WTAP: variants seen among roughly 807,000 people sequenced by gnomAD.
WTAP encodes pre-mRNA-splicing regulator WTAP.
Under a neutral mutation model 50.0 loss-of-function variants are expected in WTAP, and 8 were observed. The observed-to-expected ratio is 0.16, with a 90% CI of 0.09 to 0.29. The LOEUF (loss-of-function observed/expected upper bound fraction) is 0.29. Ranked by LOEUF, WTAP falls within the 10% of genes least tolerant of loss-of-function variation. The pLI is 1.00. For missense variants in WTAP, 295 were observed against 470.7 expected (o/e 0.63, Z 3.45); for synonymous variants, 194 against 169.0 (o/e 1.15, Z -1.15).
At chr6:159,740,584 A>G (rs1779191772) in intron 3 of WTAP, among the ~76,000 whole-genome samples, 1 of 152,174 alleles carries the variant, frequency 6.6e-6, no homozygotes, top group African/African-American at 2.4e-5. Flanking sequence ...AATATTTGGT[A>G]AACTACGTGT....
intron 3 of WTAP, 23 bp downstream of exon 3, chr6:159,739,068 A>C (rs772205248): frequency 1.3e-6 from 2 of 1,589,676 alleles, no homozygotes; most frequent in Non-Finnish European, 1.7e-6. Context: ...CTGTTCAAAA[A>C]CAAAGTCTTT....
intron 1 of WTAP, chr6:159,730,868 A>G (rs1778523227): frequency 6.6e-6 from 1 of 152,188 alleles, no homozygotes; most frequent in Non-Finnish European, 1.5e-5. Context: ...AGCACCATTT[A>G]ATTAAAATCT....
chr6:159,735,912 A>G (rs117466922), intron 1 of WTAP, among the ~76,000 whole-genome samples: 2,768 of 152,196 alleles, frequency 0.018, 27 homozygotes, highest in South Asian at 0.033. Flanking sequence ...TGCGTAGGAT[A>G]CTACTTGAGG....
At chr6:159,734,995 A>G (rs1021337509) in intron 1 of WTAP, among the ~76,000 whole-genome samples, 2 of 152,156 alleles carry the variant, frequency 1.3e-5, no homozygotes, top group Admixed American at 6.5e-5. Context: ...AGTGTTCCCT[A>G]CTTGAATTCA....
upstream of WTAP, chr6:159,727,074 T>G: frequency 8.3e-7 from 1 of 1,207,428 alleles, no homozygotes; most frequent in Non-Finnish European, 1.1e-6. Context: ...CGTGATGCCC[T>G]GGGGCTGACC....
intron 1 of WTAP, among the ~76,000 whole-genome samples, chr6:159,735,504 A>G (rs1037509160): frequency 6.6e-6 from 1 of 152,214 alleles, no homozygotes; most frequent in Non-Finnish European, 1.5e-5. Flanking sequence ...TAATCCCAGC[A>G]CTTTGGGAGG....
chr6:159,755,476 A>G lies in WTAP; in HGVS notation c.1056A>G (p.Gln352=), dbSNP rs752013744. 6.8e-6 allele frequency: 11 copies of G among 1,614,086 alleles called. No individual in the cohort carries two copies. The highest frequency in any genetic ancestry group is 1.6e-4 in the Middle Eastern group (1 of 6,084). The change falls in exon 8 of 8, where the codon CAA becomes CAG. Residue 352 remains glutamine (Q), a synonymous_variant. Transcript: ENST00000621533. ...GCAGTGAAAACTCTCTCACACACCA[A>G]TCAAATGACACAGACTCCAGTCATG... is the stretch of plus-strand genomic sequence containing the variant. ...PTGSENSLTH[Q]SNDTDSSHDP...
chr6:159,748,740 C>A lies in WTAP; in HGVS notation c.452+371C>A. 8.1e-7 allele frequency: 1 copy of A among 1,238,106 alleles called. No homozygotes were observed. Among genetic ancestry groups the A allele is most frequent in the Non-Finnish European group, 1.0e-6 (1 of 991,436 alleles). The allele number at this position is 1,238,106 out of a possible 1,614,324, so 76.7% of individuals were successfully genotyped here. Reference sequence around the variant, plus strand: ...GTCTGTGGCACACTGTGTCTTCAGACAGTTTGAAGGAATGAAAACCTAGAG... The same window carrying A: ...GTCTGTGGCACACTGTGTCTTCAGAAAGTTTGAAGGAATGAAAACCTAGAG... On this transcript the variant is annotated intron_variant, in intron 6 of 7. Coordinates refer to ENST00000621533, the MANE Select transcript of WTAP (RefSeq NM_001270531.2). This position sits in a 1 kb window ranked among gnomAD's most constrained non-coding sequence, Gnocchi z 5.6.
At chr6:159,728,000 C>A (rs752853530) in intron 1 of WTAP, among the ~76,000 whole-genome samples, 1 of 152,250 alleles carries the variant, frequency 6.6e-6, no homozygotes, top group Non-Finnish European at 1.5e-5. Flanking sequence ...CCGGGCTGAG[C>A]GGCGGCGCTC....
intron 1 of WTAP, among the ~76,000 whole-genome samples, chr6:159,729,888 A>G (rs1040349890): frequency 6.6e-6 from 1 of 152,150 alleles, no homozygotes; most frequent in Non-Finnish European, 1.5e-5. Context: ...TAACTTTATG[A>G]TGCTAAGAGC....
At chr6:159,749,057 A>G in intron 6 of WTAP, 1 of 990,678 alleles carries the variant, frequency 1.0e-6, no homozygotes, top group Non-Finnish European at 1.2e-6. Flanking sequence ...GGGGCTCTAT[A>G]TTACTTGCTT....
rs1778407818 is a variant in WTAP at position 159,729,107 on chromosome 6, A to G, written c.-9+1404A>G. Among the ~76,000 whole-genome samples, 3 of 152,324 alleles carry G rather than the reference A, an allele frequency of 2.0e-5. No individual in the cohort carries two copies. In the South Asian group the frequency reaches 6.2e-4, roughly 32 times the overall value. The stretch of plus-strand genomic sequence containing the variant: ...GTGTAAAAAGCCCTGTGATGTGGAG[A>G]TGAGCATTGTCACAATTTGTACAGT... On this transcript the variant is annotated intron_variant, in intron 1 of 7. Coordinates refer to ENST00000621533, the MANE Select transcript of WTAP (RefSeq NM_001270531.2).
At chr6:159,730,143 A>G (rs973639980) in intron 1 of WTAP, among the ~76,000 whole-genome samples, 1 of 152,222 alleles carries the variant, frequency 6.6e-6, no homozygotes, top group Non-Finnish European at 1.5e-5. Flanking sequence ...TTATTAATTA[A>G]TAGCTGTTTT....
chr6:159,738,751 A>G (rs932572687), intron 2 of WTAP, among the ~76,000 whole-genome samples: 4 of 152,204 alleles, frequency 2.6e-5, no homozygotes, highest in Middle Eastern at 3.4e-3. Context: ...CATTCTAATC[A>G]GTGTGTGGTG....
At position 159,738,980 on chromosome 6, in the gene WTAP, C is replaced by A. The variant is rs776802237; in HGVS notation, c.31-10C>A. On this transcript the variant is annotated splice_polypyrimidine_tract_variant and intron_variant, in intron 2 of 7. Transcript: ENST00000621533. The stretch of plus-strand genomic sequence containing the variant: ...AGAACACTAAATTCATATTGTAATT[C>A]TCTTTATAGGTTCGATTGAGTGAAA... The A allele has an allele frequency of 1.1e-5, 17 of 1,603,392 alleles. No individual in the cohort carries two copies. The African/African-American group carries it at 2.1e-4, about 20-fold the overall frequency.
intron 1 of WTAP, among the ~76,000 whole-genome samples, chr6:159,731,894 C>G (rs1312694787): frequency 2.0e-5 from 3 of 152,166 alleles, no homozygotes; most frequent in Admixed American, 2.0e-4. Context: ...CCTTTAAAAA[C>G]AGATTATCAT....
intron 1 of WTAP, among the ~76,000 whole-genome samples, chr6:159,734,391 A>G (rs981506653): frequency 2.6e-5 from 4 of 151,726 alleles, no homozygotes; most frequent in Admixed American, 6.6e-5. Flanking sequence ...AAAAAAAAAA[A>G]ATTCAGTTTA....
chr6:159,734,732 A>G (rs1172972174), intron 1 of WTAP, among the ~76,000 whole-genome samples: 1 of 152,264 alleles, frequency 6.6e-6, no homozygotes, highest in Non-Finnish European at 1.5e-5. Flanking sequence ...AATGCAATTT[A>G]GATGCTTTTT....
At chr6:159,728,931 A>G (rs1287905137) in intron 1 of WTAP, among the ~76,000 whole-genome samples, 1 of 152,252 alleles carries the variant, frequency 6.6e-6, no homozygotes, top group Non-Finnish European at 1.5e-5. Context: ...CCTAAAGGAT[A>G]AAAGTAATAA....
Sources: gnomAD v4.1 joint callset for allele counts (sites outside exome capture counted in the v4.1 genomes callset) on GRCh38, gnomAD v4.1.1 for gene constraint, Gnocchi (gnomAD v3.1) non-coding constraint, MANE v1.5 for transcripts, NCBI Gene and HGNC (gene_info 2026-07-23, HGNC 2026-07-21) for gene names.